The following LRRC49 variants were observed in gnomAD, a reference collection of about 807,000 sequenced individuals.
LRRC49 encodes leucine-rich repeat-containing protein 49.
LRRC49 carries 50 observed loss-of-function variants against 83.3 expected under a neutral mutation model. That is an observed-to-expected ratio of 0.60 (90% confidence interval 0.48 to 0.76). The LOEUF (loss-of-function observed/expected upper bound fraction) is 0.76, where lower values mean the gene tolerates loss of function less well. LRRC49 is among the 30% of genes least tolerant of loss of function. LRRC49 has a pLI of 0.00. For missense variants in LRRC49, 704 were observed against 809.1 expected, an observed-to-expected ratio of 0.87 and a Z score of 1.58; for synonymous variants, 286 against 283.3, an observed-to-expected ratio of 1.01 and a Z score of -0.10.
chr15:70,949,200 C>T (rs1411173566), intron 8 of LRRC49, among the ~76,000 whole-genome samples: 10 of 152,236 alleles, frequency 6.6e-5, no homozygotes, highest in South Asian at 2.1e-4. Context: ...CTGGTCTTTC[C>T]GAAACACTTT....
At chr15:70,972,907 A>G (rs1033511104) in intron 9 of LRRC49, among the ~76,000 whole-genome samples, 1 of 152,040 alleles carries the variant, frequency 6.6e-6, no homozygotes, top group African/African-American at 2.4e-5. Context: ...CAGGGTTCTT[A>G]GCTTCATTCC....
chr15:70,900,784 C>A, intron 3 of LRRC49, 138 bp from the exon 4 acceptor site: 1 of 614,640 alleles, frequency 1.6e-6, no homozygotes, highest in Non-Finnish European at 2.9e-6. Context: ...TAATTAATTT[C>A]AAATATGGAG....
chr15:70,944,454 T>G (rs2141169910), intron 8 of LRRC49, among the ~76,000 whole-genome samples: 1 of 152,266 alleles, frequency 6.6e-6, no homozygotes, highest in Non-Finnish European at 1.5e-5. Flanking sequence ...GCCCAGGCTG[T>G]AGTGCACTGG....
intron 15 of LRRC49, among the ~76,000 whole-genome samples, chr15:71,045,939 G>A (rs1339911309): frequency 6.6e-6 from 1 of 152,152 alleles, no homozygotes; most frequent in African/African-American, 2.4e-5. Flanking sequence ...GTGAGAATAT[G>A]CAGCATTTGG....
chr15:70,859,617 C>G, intron 1 of LRRC49: 5 of 640,934 alleles, frequency 7.8e-6, no homozygotes, highest in Middle Eastern at 4.6e-4. Flanking sequence ...GACCTGCAGC[C>G]TATAAAGACT....
intron 2 of LRRC49, chr15:70,894,611 A>T (rs1231335283): frequency 1.6e-6 from 2 of 1,287,398 alleles, no homozygotes; most frequent in Non-Finnish European, 2.0e-6. Context: ...ATGTCTCAAG[A>T]CACAACATGA....
upstream of LRRC49, chr15:70,892,579 G>C (rs1018851762): frequency 4.1e-6 from 6 of 1,480,852 alleles, no homozygotes; most frequent in African/African-American, 8.3e-5. Context: ...GACCGGAAGT[G>C]GTGGTGGTTA....
At chr15:70,868,728 A>G (rs2032964159) in intron 1 of LRRC49, among the ~76,000 whole-genome samples, 1 of 152,236 alleles carries the variant, frequency 6.6e-6, no homozygotes, top group Non-Finnish European at 1.5e-5. Flanking sequence ...TGTGGAATTG[A>G]ATACAATATA....
At chr15:71,009,531 T>C (rs1235943234) in intron 12 of LRRC49, 1 of 259,288 alleles carries the variant, frequency 3.9e-6, no homozygotes, top group African/African-American at 2.2e-5. Context: ...TTGATATTTA[T>C]GTATCTTTAA....
In LRRC49 at chr15:71,049,631, G is replaced by C; in HGVS notation, c.*19G>C. Reference sequence around the variant, plus strand: ...AAAATAAAAATGGCCTTTAGTTACAGTTGATTTTGGCAGTTTTATTTTTTG... The same window carrying C: ...AAAATAAAAATGGCCTTTAGTTACACTTGATTTTGGCAGTTTTATTTTTTG... On this transcript the variant is annotated 3_prime_UTR_variant, in exon 16 of 16. Coordinates refer to ENST00000260382, the MANE Select transcript of LRRC49 (RefSeq NM_017691.5). 1 of 1,559,928 alleles carries C rather than the reference G, an allele frequency of 6.4e-7. No homozygotes were observed. The highest frequency in any genetic ancestry group is 2.2e-5 in the East Asian group (1 of 44,602).
At position 71,015,528 on chromosome 15, in the gene LRRC49, C is replaced by G. The variant is rs558975931; in HGVS notation, c.1703+2615C>G. On this transcript the variant is annotated intron_variant, in intron 14 of 15. Transcript: ENST00000260382. The stretch of plus-strand genomic sequence containing the variant: ...TCAGCGGTAATGCTTGCCCGCAGTT[C>G]ACCACCTGCTATGTGGCCCGGTTCC... Among the ~76,000 whole-genome samples, 642 of 152,278 alleles carry G rather than the reference C, an allele frequency of 4.2e-3. 7 individuals are homozygous for G. The highest frequency in any genetic ancestry group is 6.7e-3 in the Non-Finnish European group (458 of 68,032).
intron 5 of LRRC49, among the ~76,000 whole-genome samples, chr15:70,910,528 A>T (rs1313815200): frequency 2.6e-5 from 4 of 152,164 alleles, no homozygotes; most frequent in African/African-American, 7.2e-5. Flanking sequence ...GGTGATAAAG[A>T]TGGGTTGTAT....
At chr15:70,993,143 A>C (rs2037949778) in intron 11 of LRRC49, among the ~76,000 whole-genome samples, 1 of 152,186 alleles carries the variant, frequency 6.6e-6, no homozygotes, top group Non-Finnish European at 1.5e-5. Context: ...CCATGCTAGC[A>C]ATGAGCGAGG....
chr15:70,970,911 T>C (rs1237339141), intron 9 of LRRC49, among the ~76,000 whole-genome samples: 1 of 152,172 alleles, frequency 6.6e-6, no homozygotes, highest in African/African-American at 2.4e-5. Flanking sequence ...GTCTACCTAT[T>C]TTGTTGATCT....
upstream of LRRC49, among the ~76,000 whole-genome samples, chr15:70,888,102 T>C (rs1384320870): frequency 6.6e-6 from 1 of 152,194 alleles, no homozygotes; most frequent in African/African-American, 2.4e-5. Flanking sequence ...CAATATGCCA[T>C]TTATTCCCAT....
At chr15:70,966,828 T>A (rs988466284) in intron 9 of LRRC49, among the ~76,000 whole-genome samples, 2 of 152,076 alleles carry the variant, frequency 1.3e-5, no homozygotes, top group Admixed American at 6.6e-5. Flanking sequence ...GATGAAAAGA[T>A]CAAAATCACA....
intron 14 of LRRC49, among the ~76,000 whole-genome samples, chr15:71,026,266 C>T (rs531949901): frequency 4.6e-5 from 7 of 152,184 alleles, no homozygotes; most frequent in Admixed American, 2.6e-4. Context: ...TTTATGGCTG[C>T]GTAGTATTCC....
chr15:70,914,070 G>C (rs2034661030), intron 6 of LRRC49, among the ~76,000 whole-genome samples: 1 of 151,460 alleles, frequency 6.6e-6, no homozygotes, highest in Admixed American at 6.6e-5. Flanking sequence ...ATAGAACCTT[G>C]AGAAGTAATT....
chr15:71,009,892 T>A lies in LRRC49; in HGVS notation c.1493T>A (p.Ile498Asn). 6.2e-7 allele frequency: 1 copy of A among 1,612,184 alleles called. No individual in the cohort carries two copies. The highest frequency in any genetic ancestry group is 1.1e-5 in the South Asian group (1 of 90,990). Residue 498 changes from isoleucine (I) to asparagine (N), a missense_variant, in exon 13 of 16, where the codon ATT becomes AAT. This residue lies in a region of LRRC49 where 275 missense variants were observed against 338.0 expected (regional missense o/e 0.81). Transcript: ENST00000260382. ...AQLRRIDQLT[I>N]DPQGNPVVNF... ...CTCCGTCGTATTGACCAGTTGACAA[T>A]TGATCCTCAAGGAAATCCAGTTGTC...
Sources: allele counts gnomAD v4.1 joint callset (sites outside exome capture counted in the v4.1 genomes callset), GRCh38; gene constraint gnomAD v4.1.1; regional missense constraint gnomAD v4.1.1; transcripts MANE v1.5; gene names NCBI Gene and HGNC (gene_info 2026-07-23, HGNC 2026-07-21).